TMEM135: variants seen among roughly 807,000 people sequenced by gnomAD.
The protein encoded by TMEM135 is peroxisomal membrane protein 52.
TMEM135 carries 30 observed loss-of-function variants against 60.3 expected under a neutral mutation model. That is an observed-to-expected ratio of 0.50 (90% CI 0.37 to 0.68). The LOEUF is 0.68. Ranked by LOEUF, TMEM135 falls within the 30% of genes least tolerant of loss-of-function variation. The probability of loss-of-function intolerance (pLI) is 0.00; values close to 1 mark genes in which losing one functional copy is unlikely to be tolerated. For missense variants in TMEM135, 468 were observed against 548.8 expected (o/e 0.85, Z 1.47); for synonymous variants, 190 against 186.7 (o/e 1.02, Z -0.14).
At chr11:87,068,548 C>A (rs966276899) in intron 2 of TMEM135, among the ~76,000 whole-genome samples, 1 of 152,264 alleles carries the variant, frequency 6.6e-6, no homozygotes, top group South Asian at 2.1e-4. Flanking sequence ...CGGTGGCTCA[C>A]GCCTGTAATC....
chr11:87,182,856 G>A (rs1445635881), intron 5 of TMEM135, among the ~76,000 whole-genome samples: 1 of 151,808 alleles, frequency 6.6e-6, no homozygotes, highest in East Asian at 1.9e-4. Flanking sequence ...TTTTAAATGT[G>A]ATTTTCTTTG....
At chr11:87,250,479 G>A (rs1360174460) in intron 6 of TMEM135, among the ~76,000 whole-genome samples, 1 of 151,644 alleles carries the variant, frequency 6.6e-6, no homozygotes, top group African/African-American at 2.4e-5. Context: ...GGTTTGTTGT[G>A]TTTCCATTTT....
intron 5 of TMEM135, among the ~76,000 whole-genome samples, chr11:87,224,140 G>A (rs368266324): frequency 2.6e-5 from 4 of 152,216 alleles, no homozygotes; most frequent in African/African-American, 7.2e-5. Context: ...TGTGAGTAAC[G>A]TACTCATGTG....
intron 4 of TMEM135, among the ~76,000 whole-genome samples, chr11:87,148,950 T>C (rs1346948429): frequency 6.6e-6 from 1 of 152,162 alleles, no homozygotes; most frequent in Non-Finnish European, 1.5e-5. Context: ...TAAATTCATA[T>C]TGTGCTGAAT....
chr11:87,307,404 G>T (rs1275854356), intron 9 of TMEM135, among the ~76,000 whole-genome samples: 1 of 147,372 alleles, frequency 6.8e-6, no homozygotes, highest in Non-Finnish European at 1.5e-5. Flanking sequence ...AAGTAACATT[G>T]CTGGCAGTCC....
intron 9 of TMEM135, 95 bp from the exon 10 acceptor site, chr11:87,309,410 T>G (rs1942603853): frequency 7.6e-7 from 1 of 1,315,304 alleles, no homozygotes; most frequent in East Asian, 2.3e-5. Context: ...TAAATTTGTT[T>G]TGTCTTGTTT....
In TMEM135 at chr11:87,208,594, C is replaced by T. The variant is rs565404450; in HGVS notation, c.463-28044C>T. Among the ~76,000 whole-genome samples the T allele has an allele frequency of 1.3e-4, 20 of 152,212 alleles. 1 individual carries two copies. In the South Asian group the frequency reaches 4.2e-3, roughly 32 times the overall value. ...ACCAAACCTACAACTCATTGGCATT[C>T]CAAAAAGAGAAGTAGAGAGAGAGAG... On this transcript the variant is annotated intron_variant, in intron 5 of 14. Coordinates refer to ENST00000305494, the MANE Select transcript of TMEM135 (RefSeq NM_022918.4).
rs1949841534 is a variant in TMEM135, at chr11:87,051,550, C to A, written c.141+13364C>A. The stretch of plus-strand genomic sequence containing the variant: ...GACAGAGAGCCAAATCATAAGTGAA[C>A]TCCCATTCACAATTGCTTCAAAGAG... On this transcript the variant is annotated intron_variant, in intron 1 of 14. Transcript: ENST00000305494. 2.9e-5 allele frequency among the ~76,000 whole-genome samples: 2 copies of A among 68,402 alleles called. 1 individual carries two copies. The highest frequency in any genetic ancestry group is 3.1e-4 in the Admixed American group (2 of 6,482). The allele number at this position is 68,402 out of a possible 152,430, so 44.9% of individuals were successfully genotyped here. A position where few individuals can be genotyped will look rare whatever the true frequency, so the allele number is the denominator to read the frequency against.
chr11:87,138,256 A>G (rs557531765), intron 4 of TMEM135, among the ~76,000 whole-genome samples: 1 of 151,812 alleles, frequency 6.6e-6, no homozygotes, highest in South Asian at 2.1e-4. Context: ...ACACCCGGCT[A>G]ATTTTTGTAT....
intron 3 of TMEM135, among the ~76,000 whole-genome samples, chr11:87,086,414 C>T (rs1281315465): frequency 1.3e-5 from 2 of 152,110 alleles, no homozygotes; most frequent in African/African-American, 4.8e-5. Context: ...TGGCAGTTTC[C>T]AGGCTCTTGT....
At chr11:87,069,013 T>G (rs928599892) in intron 2 of TMEM135, among the ~76,000 whole-genome samples, 9 of 150,408 alleles carry the variant, frequency 6.0e-5, no homozygotes, top group Non-Finnish European at 7.4e-5. Flanking sequence ...TCTAGAAAGT[T>G]TCTATGACGG....
At chr11:87,160,578 C>A (rs1408964651) in intron 5 of TMEM135, among the ~76,000 whole-genome samples, 1 of 152,152 alleles carries the variant, frequency 6.6e-6, no homozygotes, top group Non-Finnish European at 1.5e-5. Context: ...TACAGTAATT[C>A]ACTTACTTAG....
chr11:87,255,457 T>C (rs562568459), intron 6 of TMEM135, among the ~76,000 whole-genome samples: 18 of 152,304 alleles, frequency 1.2e-4, no homozygotes, highest in Admixed American at 1.0e-3. Flanking sequence ...CATAACTAAA[T>C]AAAGCCACAG....
intron 4 of TMEM135, among the ~76,000 whole-genome samples, chr11:87,135,077 A>G (rs1938052123): frequency 6.6e-6 from 1 of 152,162 alleles, no homozygotes; most frequent in African/African-American, 2.4e-5. Flanking sequence ...ATATTTTAAA[A>G]TTGGATTGTT....
chr11:87,295,759 AT>A, intron 6 of TMEM135, 22 bp from the exon 7 acceptor site: 1 of 1,583,522 alleles, frequency 6.3e-7, no homozygotes, highest in Non-Finnish European at 8.6e-7. Flanking sequence ...TTATTTTATG[AT>A]TGTAAATTCT....
At chr11:87,282,093 A>G (rs933099696) in intron 6 of TMEM135, among the ~76,000 whole-genome samples, 1 of 152,182 alleles carries the variant, frequency 6.6e-6, no homozygotes, top group African/African-American at 2.4e-5. Flanking sequence ...TGAATTCAGG[A>G]GGTCTGGAGT....
intron 5 of TMEM135, among the ~76,000 whole-genome samples, chr11:87,202,926 G>A (rs996028261): frequency 6.6e-6 from 1 of 150,764 alleles, no homozygotes; most frequent in Non-Finnish European, 1.5e-5. Flanking sequence ...CCAGCTACTC[G>A]GGAGGCTGAG....
intron 9 of TMEM135, among the ~76,000 whole-genome samples, chr11:87,306,749 C>T (rs893317617): frequency 6.6e-6 from 1 of 152,012 alleles, no homozygotes; most frequent in African/African-American, 2.4e-5. Context: ...GACAGAGTCT[C>T]GCTCAGCCAC....
chr11:87,191,311 G>A lies in TMEM135; in HGVS notation c.462+33905G>A, dbSNP rs566430986. Among the ~76,000 whole-genome samples the A allele has an allele frequency of 8.7e-4, 132 of 151,980 alleles. 1 individual carries two copies. Among genetic ancestry groups the A allele is most frequent in the Non-Finnish European group, 1.6e-3 (112 of 67,974 alleles). On this transcript the variant is annotated intron_variant, in intron 5 of 14. Coordinates refer to ENST00000305494, the MANE Select transcript of TMEM135 (RefSeq NM_022918.4). ...GCTGGAGTGCAGTGGCACGATCTCG[G>A]CTCACTGCAAGCTCCGCCTCCTGGG...
Sources: allele counts gnomAD v4.1 joint callset (sites outside exome capture counted in the v4.1 genomes callset), GRCh38; gene constraint gnomAD v4.1.1; transcripts MANE v1.5; gene names NCBI Gene and HGNC (gene_info 2026-07-23, HGNC 2026-07-21).